Variants in FAM151A observed in about 807,000 individuals in gnomAD.
The protein encoded by FAM151A is family with sequence similarity 151 member A.
Under a neutral mutation model 40.4 loss-of-function variants are expected in FAM151A, and 41 were observed. That is an observed-to-expected ratio of 1.01 (90% confidence interval 0.79 to 1.32). The LOEUF is 1.32. Ranked by LOEUF, FAM151A falls within the 40% of genes most tolerant of loss-of-function variation. The pLI is 0.00. For synonymous variants in FAM151A, 337 were observed against 312.5 expected, an observed-to-expected ratio of 1.08 and a Z score of -0.83; for missense variants, 740 against 740.4, an observed-to-expected ratio of 1.00 and a Z score of 0.01.
In FAM151A at chr1:54,609,519, C is replaced by T; in HGVS notation, c.1507G>A (p.Gly503Arg). Residue 503 changes from glycine to arginine, a missense_variant, in exon 8 of 8, where the codon GGG becomes AGG. Gly to Arg is a moderately radical substitution (Grantham distance 125). Coordinates refer to ENST00000302250, the MANE Select transcript of FAM151A (RefSeq NM_176782.3). ...LLTDMLELCQ[G>R]LWQPVSFQMQ... ...TGGAAGGACACAGGTTGCCAGAGCC[C>T]CTGGCACAACTCTAGCATATCTGTG... 6.2e-7 allele frequency: 1 copy of T among 1,613,096 alleles called. No homozygotes were observed. Among genetic ancestry groups the T allele is most frequent in the Non-Finnish European group, 8.5e-7 (1 of 1,180,030 alleles).
chr1:54,611,477 GC>G lies in FAM151A; in HGVS notation c.940+128del, dbSNP rs1416052382. 11 of 846,830 alleles carry G rather than the reference GC, an allele frequency of 1.3e-5. No homozygotes were observed. In the Admixed American group the frequency reaches 2.5e-4, roughly 19 times the overall value. 52.5% of individuals were successfully genotyped at this position (846,830 alleles called of 1,614,324 possible). A position where few individuals can be genotyped will look rare whatever the true frequency, so the allele number is the denominator to read the frequency against. ...CCCAGGGCCTGGCACACAAAATGCA[GC>G]CGCCTCCTGTCCCACCCCGGCCTTC... On this transcript the variant is annotated intron_variant, in intron 6 of 7. Transcript: ENST00000302250.
At chr1:54,615,986 G>A in intron 3 of FAM151A, 34 bp downstream of exon 3, 3 of 1,607,232 alleles carry the variant, frequency 1.9e-6, no homozygotes, top group Non-Finnish European at 2.5e-6. Flanking sequence ...CCAGAGGGCT[G>A]GGGGCCGGAG....
Position 54,609,576 on chromosome 1 carries a change from C to T in FAM151A, c.1450G>A (p.Val484Met). Residue 484 changes from valine to methionine, a missense_variant, in exon 8 of 8, where the codon GTG becomes ATG. Coordinates refer to ENST00000302250, the MANE Select transcript of FAM151A (RefSeq NM_176782.3). The stretch of plus-strand genomic sequence containing the variant: ...TGTTCCCTGTAGCCACTGCCCAGCA[C>T]CTCCTCAGGCCAGCCTGGTGCCACA... Reference protein sequence around the residue: ...VTVAPGWPEEVLGSGYREQLL... With the variant: ...VTVAPGWPEEMLGSGYREQLL... 1 of 1,613,020 alleles carries T rather than the reference C, an allele frequency of 6.2e-7. No individual in the cohort carries two copies. The highest frequency in any genetic ancestry group is 1.7e-4 in the Middle Eastern group (1 of 6,032).
chr1:54,613,310 C>T (rs1413550028), intron 4 of FAM151A, among the ~76,000 whole-genome samples: 5 of 151,802 alleles, frequency 3.3e-5, no homozygotes, highest in Admixed American at 6.6e-5. Flanking sequence ...ACCCAGGAGG[C>T]GGAGGTTGTG....
At chr1:54,617,018 T>C (rs747436991) in intron 2 of FAM151A, among the ~76,000 whole-genome samples, 9 of 152,194 alleles carry the variant, frequency 5.9e-5, no homozygotes, top group African/African-American at 9.6e-5. Flanking sequence ...GGGTCATTTT[T>C]AAAGCCCATG....
At chr1:54,610,724 C>A (rs1457919187) in intron 6 of FAM151A, 169 bp from the exon 7 acceptor site, 2 of 979,558 alleles carry the variant, frequency 2.0e-6, no homozygotes, top group African/African-American at 1.8e-5. Context: ...AAGTGACTTG[C>A]CCAAGGTCTT....
rs748870520 is a variant in FAM151A at position 54,612,642 on chromosome 1, A to G, written c.644T>C (p.Met215Thr). 1 of 1,614,044 alleles carries G rather than the reference A, an allele frequency of 6.2e-7. No individual in the cohort carries two copies. The highest frequency in any genetic ancestry group is 8.5e-7 in the Non-Finnish European group (1 of 1,180,012). Residue 215 changes from methionine to threonine, a missense_variant, in exon 5 of 8, where the codon ATG (methionine) becomes ACG (threonine). Met to Thr is a moderately conservative substitution (Grantham distance 81, BLOSUM62 -1). Coordinates refer to ENST00000302250, the MANE Select transcript of FAM151A (RefSeq NM_176782.3). ...GTACGTCCTGTTTGGGGACGTGGAC[A>G]TGTAGAAGGTGGTCCAGCCTGGAGA... is the stretch of plus-strand genomic sequence containing the variant. Reference protein sequence around the residue: ...TLSPGWTTFYMSTSPNRTYTQ... With the variant: ...TLSPGWTTFYTSTSPNRTYTQ...
chr1:54,619,943 C>CT lies in FAM151A; in HGVS notation c.182dup (p.Ile62AspfsTer35), dbSNP rs1349674582. On this transcript the variant is annotated frameshift_variant, in exon 2 of 8. Coordinates refer to ENST00000302250, the MANE Select transcript of FAM151A (RefSeq NM_176782.3). LOFTEE classifies it high-confidence loss of function. ...CCTCCAAGGCATCTCGCCGGCTGATCTGGCCCAGGCTCAGCAGGTAGTCCA... is the reference window on the plus strand; with the variant it reads ...CCTCCAAGGCATCTCGCCGGCTGATCTTGGCCCAGGCTCAGCAGGTAGTCCA... 1 of 1,614,098 alleles carries CT rather than the reference C, an allele frequency of 6.2e-7. No homozygotes were observed. Among genetic ancestry groups the CT allele is most frequent in the African/African-American group, 1.3e-5 (1 of 74,936 alleles).
intron 2 of FAM151A, among the ~76,000 whole-genome samples, chr1:54,617,034 A>AAG (rs1195971435): frequency 6.6e-6 from 1 of 152,152 alleles, no homozygotes. Flanking sequence ...CCATGTTATC[A>AAG]AACTGCTTTC....
At position 54,615,007 on chromosome 1, in the gene FAM151A, C is replaced by G. The variant is rs1458091801; in HGVS notation, c.416-148G>C. 5 of 763,014 alleles carry G rather than the reference C, an allele frequency of 6.6e-6. No individual in the cohort carries two copies. The East Asian group carries it at 8.3e-5, about 13-fold the overall frequency. The allele number at this position is 763,014 out of a possible 1,614,324, so 47.3% of individuals were successfully genotyped here. ...AGGGCGGAAGGACCAGCACCACATC[C>G]CTGCAGGGTGTGAGGAAGGCCTTTC... On this transcript the variant is annotated intron_variant, in intron 3 of 7. Transcript: ENST00000302250.
intron 4 of FAM151A, among the ~76,000 whole-genome samples, chr1:54,613,694 C>A (rs1265688886): frequency 6.6e-6 from 1 of 152,174 alleles, no homozygotes; most frequent in Non-Finnish European, 1.5e-5. Context: ...TGTTGCCACC[C>A]ACTGCCCACC....
Position 54,620,058 on chromosome 1 carries a change from G to A in FAM151A, c.119-51C>T, listed in dbSNP as rs772314562. 18 of 1,590,324 alleles carry A rather than the reference G, an allele frequency of 1.1e-5. 1 individual carries two copies. The East Asian group carries it at 3.8e-4, about 34-fold the overall frequency. On this transcript the variant is annotated intron_variant, in intron 1 of 7. Coordinates refer to ENST00000302250, the MANE Select transcript of FAM151A (RefSeq NM_176782.3). ...AGCGTCTGTCCTCGCCCCAGCCCAA[G>A]ACTCATGTTCGTTCATCCCATGACC...
chr1:54,617,476 AAAG>A (rs1334695836), intron 2 of FAM151A, among the ~76,000 whole-genome samples: 2 of 151,734 alleles, frequency 1.3e-5, no homozygotes, highest in East Asian at 1.9e-4. Flanking sequence ...AAAAAAAAAA[AAAG>A]GCCAGAAAAC....
At chr1:54,622,153 G>A (rs1466922987) in intron 1 of FAM151A, among the ~76,000 whole-genome samples, 1 of 151,314 alleles carries the variant, frequency 6.6e-6, no homozygotes, top group Non-Finnish European at 1.5e-5. Context: ...GTGCCCACCT[G>A]TAATCCCAGC....
chr1:54,620,716 G>GC (rs758749742), intron 1 of FAM151A, among the ~76,000 whole-genome samples: 19 of 151,368 alleles, frequency 1.3e-4, no homozygotes, highest in South Asian at 2.1e-4. Flanking sequence ...GGACGTGGTG[G>GC]CAGGAGCCTG....
chr1:54,611,716 G>A lies in FAM151A; in HGVS notation c.830C>T (p.Ser277Leu), dbSNP rs752551350. ...RYSLTLWQAA[S>L]DPMSVEDLLY... ...CAGATCTTCCACCGACATGGGGTCC[G>A]AGGCAGCCTGCCACAGCGTCAGGCT... Residue 277 changes from serine (S) to leucine (L), a missense_variant, in exon 6 of 8, where the codon TCG (serine) becomes TTG (leucine). Physicochemically the swap from Ser to Leu is moderately radical, Grantham distance 145. Transcript: ENST00000302250. 5.0e-6 allele frequency: 8 copies of A among 1,614,170 alleles called. No homozygotes were observed. The highest frequency in any genetic ancestry group is 5.1e-6 in the Non-Finnish European group (6 of 1,180,018).
chr1:54,623,198 C>T, intron 1 of FAM151A, 80 bp downstream of exon 1: 1 of 918,034 alleles, frequency 1.1e-6, no homozygotes, highest in Admixed American at 2.0e-5. Context: ...AGGGACTGGT[C>T]AGAGCTGTAA....
In FAM151A at chr1:54,623,443, C is replaced by T; in HGVS notation, c.-48G>A. 7.3e-7 allele frequency: 1 copy of T among 1,375,340 alleles called. No individual in the cohort carries two copies. Among genetic ancestry groups the T allele is most frequent in the Non-Finnish European group, 1.0e-6 (1 of 971,480 alleles). 85.2% of individuals were successfully genotyped at this position (1,375,340 alleles called of 1,614,324 possible). The stretch of plus-strand genomic sequence containing the variant: ...CCCCAACTCCGTGCGGCCCAGAGTC[C>T]CTGAGGCTCCCTGCAGCTGGAATCC... On this transcript the variant is annotated 5_prime_UTR_variant, in exon 1 of 8. Coordinates refer to ENST00000302250, the MANE Select transcript of FAM151A (RefSeq NM_176782.3).
chr1:54,611,574 C>T, intron 6 of FAM151A, 32 bp downstream of exon 6: 1 of 1,611,072 alleles, frequency 6.2e-7, no homozygotes, highest in Middle Eastern at 1.7e-4. Context: ...CAGAATCCAG[C>T]CCACACCACC....
Sources: allele counts gnomAD v4.1 joint callset (sites outside exome capture counted in the v4.1 genomes callset), GRCh38; gene constraint gnomAD v4.1.1; transcripts MANE v1.5; gene names NCBI Gene and HGNC (gene_info 2026-07-23, HGNC 2026-07-21).